PSPH: variants seen among roughly 807,000 people sequenced by gnomAD.
PSPH encodes the protein L-3-phosphoserine phosphatase.
A neutral mutation model predicts 23.4 loss-of-function variants in PSPH; 16 were observed. The observed-to-expected ratio is 0.68, with a 90% CI of 0.46 to 1.04. PSPH has a LOEUF of 1.04. Ranked by LOEUF, PSPH falls within the 50% of genes least tolerant of loss-of-function variation. The pLI is 0.00. For missense variants in PSPH, 223 were observed against 273.7 expected (o/e 0.81, Z 1.31); for synonymous variants, 68 against 99.7 (o/e 0.68, Z 1.89).
chr7:56,034,506 C>A (rs1412775806), intron 1 of PSPH, among the ~76,000 whole-genome samples: 1 of 152,084 alleles, frequency 6.6e-6, no homozygotes, highest in Admixed American at 6.5e-5. Context: ...AAAAGAACTT[C>A]AAAGACTACT....
Position 56,011,731 on chromosome 7 carries a change from G to GA in PSPH, c.*30dup, listed in dbSNP as rs1343245329. The GA allele has an allele frequency of 6.5e-7, 1 of 1,533,934 alleles. No individual in the cohort carries two copies. Among genetic ancestry groups the GA allele is most frequent in the Admixed American group, 1.7e-5 (1 of 59,828 alleles). On this transcript the variant is annotated 3_prime_UTR_variant, in exon 8 of 8. Transcript: ENST00000275605. ...CTGTATAACTTGTAAAAATTCATCT[G>GA]AAGTTGTTTGGAGCTGTACGACAAT...
chr7:56,031,583 T>G (rs958232200), intron 3 of PSPH, among the ~76,000 whole-genome samples: 2 of 151,566 alleles, frequency 1.3e-5, no homozygotes, highest in African/African-American at 4.9e-5. Flanking sequence ...GAGGCCGAGG[T>G]GGATGGATGA....
At chr7:56,018,862 T>C (rs1036268833) in intron 5 of PSPH, among the ~76,000 whole-genome samples, 3 of 149,716 alleles carry the variant, frequency 2.0e-5, no homozygotes, top group Admixed American at 6.7e-5. Flanking sequence ...CCCAGCTACT[T>C]AGGAAGCTGA....
At chr7:56,034,560 G>C (rs572510078) in intron 1 of PSPH, among the ~76,000 whole-genome samples, 2 of 152,210 alleles carry the variant, frequency 1.3e-5, no homozygotes, top group African/African-American at 2.4e-5. Context: ...CTGTCGCCTG[G>C]GCTGGAGTGC....
At chr7:56,032,716 CGAG>C (rs1290650624) in intron 2 of PSPH, among the ~76,000 whole-genome samples, 1 of 151,212 alleles carries the variant, frequency 6.6e-6, no homozygotes, top group African/African-American at 2.4e-5. Flanking sequence ...TTCGGGAGGC[CGAG>C]GAGGGAGGAC....
At chr7:56,036,098 G>A (rs1030029298) in intron 1 of PSPH, among the ~76,000 whole-genome samples, 2 of 151,992 alleles carry the variant, frequency 1.3e-5, no homozygotes, top group African/African-American at 4.8e-5. Context: ...GCATGGTGGT[G>A]CATGGATAAT....
At chr7:56,015,648 C>A (rs1788460953) in intron 6 of PSPH, among the ~76,000 whole-genome samples, 1 of 151,890 alleles carries the variant, frequency 6.6e-6, no homozygotes, top group South Asian at 2.1e-4. Flanking sequence ...ATAGTAGTAT[C>A]AAATTAATTA....
intron 4 of PSPH, among the ~76,000 whole-genome samples, chr7:56,020,557 A>G (rs1438235865): frequency 6.7e-6 from 1 of 149,326 alleles, no homozygotes; most frequent in Non-Finnish European, 1.5e-5. Context: ...TCTGGGAGGC[A>G]GAGGTTGCAG....
At chr7:56,032,358 C>T (rs1428364296) in intron 2 of PSPH, among the ~76,000 whole-genome samples, 1 of 152,084 alleles carries the variant, frequency 6.6e-6, no homozygotes, top group African/African-American at 2.4e-5. Context: ...GAACTAAATG[C>T]AGAGACAAGG....
At chr7:56,039,422 A>C (rs1433344218) in intron 1 of PSPH, among the ~76,000 whole-genome samples, 2 of 152,132 alleles carry the variant, frequency 1.3e-5, no homozygotes, top group African/African-American at 4.8e-5. Context: ...GATGCTTTTT[A>C]TATCTGTGTG....
rs34528611 is a variant in PSPH at position 56,045,886 on chromosome 7, C to CAA, written c.-292+5250_-292+5251dup. On this transcript the variant is annotated intron_variant, in intron 1 of 7. Transcript: ENST00000275605. ...TGGGTGACAGAGCAAGACTTTGTCT[C>CAA]AAAAAAAAAAAAAAAAAAGAAAGAA... Among the ~76,000 whole-genome samples the CAA allele has an allele frequency of 8.6e-3, 930 of 108,128 alleles. 6 individuals carry two copies. The highest frequency in any genetic ancestry group is 0.037 in the Middle Eastern group (7 of 190). The allele number at this position is 108,128 out of a possible 152,430, so 70.9% of individuals were successfully genotyped here.
intron 1 of PSPH, among the ~76,000 whole-genome samples, chr7:56,037,490 C>T (rs767163566): frequency 1.8e-4 from 27 of 151,294 alleles, no homozygotes; most frequent in Non-Finnish European, 3.4e-4. Flanking sequence ...ACGATCATAG[C>T]TCACTGAAGC....
chr7:56,014,496 C>T (rs576964369), intron 7 of PSPH, among the ~76,000 whole-genome samples: 44 of 152,156 alleles, frequency 2.9e-4, no homozygotes, highest in Admixed American at 1.0e-3. Context: ...TTATGTAGTT[C>T]GAAATCAGCT....
At chr7:56,025,725 T>C (rs180673959) in intron 3 of PSPH, among the ~76,000 whole-genome samples, 16 of 152,226 alleles carry the variant, frequency 1.1e-4, no homozygotes, top group African/African-American at 3.9e-4. Context: ...TTCTGAGTAG[T>C]TGAGACTATA....
At chr7:56,039,790 A>C (rs796941612) in intron 1 of PSPH, among the ~76,000 whole-genome samples, 1 of 148,886 alleles carries the variant, frequency 6.7e-6, no homozygotes, top group East Asian at 2.0e-4. Flanking sequence ...AAAAAAAAAA[A>C]AAATTAAAAA....
At chr7:56,035,966 C>T (rs541170373) in intron 1 of PSPH, among the ~76,000 whole-genome samples, 7 of 151,754 alleles carry the variant, frequency 4.6e-5, no homozygotes, top group Admixed American at 1.3e-4. Flanking sequence ...CCTTGGCTCA[C>T]GCCTGTAATC....
chr7:56,027,458 G>A (rs181222710), intron 3 of PSPH, among the ~76,000 whole-genome samples: 1 of 152,210 alleles, frequency 6.6e-6, no homozygotes, highest in East Asian at 1.9e-4. Flanking sequence ...GGGAGCGGTG[G>A]CTCACGCCTG....
rs937301586 is a variant in PSPH at position 56,011,360 on chromosome 7, T to A, written c.*402A>T. The A allele has an allele frequency of 6.3e-6, 1 of 159,396 alleles. No homozygotes were observed. The highest frequency in any genetic ancestry group is 2.4e-5 in the African/African-American group (1 of 41,442). 9.9% of individuals were successfully genotyped at this position (159,396 alleles called of 1,614,324 possible). On this transcript the variant is annotated 3_prime_UTR_variant, in exon 8 of 8. Coordinates refer to ENST00000275605, the MANE Select transcript of PSPH (RefSeq NM_004577.4). The stretch of plus-strand genomic sequence containing the variant: ...CTGGCTAACACGGTCAAACCCCGTC[T>A]CTACTAAAAATACAAAAAATTAGCC...
intron 3 of PSPH, among the ~76,000 whole-genome samples, chr7:56,027,505 C>A (rs1790370593): frequency 6.6e-6 from 1 of 151,910 alleles, no homozygotes; most frequent in Non-Finnish European, 1.5e-5. Flanking sequence ...GCAGGCGAAT[C>A]ACAAGGTCAG....
Sources: allele counts gnomAD v4.1 joint callset (sites outside exome capture counted in the v4.1 genomes callset), GRCh38; gene constraint gnomAD v4.1.1; transcripts MANE v1.5; gene names NCBI Gene and HGNC (gene_info 2026-07-23, HGNC 2026-07-21).